Variants in RILPL1 observed in about 807,000 individuals in gnomAD.
RILPL1 encodes Rab interacting lysosomal protein like 1.
A neutral mutation model predicts 50.3 loss-of-function variants in RILPL1; 33 were observed. The ratio of observed to expected loss-of-function variants is 0.66; its 90% confidence interval spans 0.50 to 0.88. The LOEUF is 0.88. RILPL1 is among the 40% of genes least tolerant of loss of function. RILPL1 has a pLI of 0.00. For missense variants in RILPL1, 418 were observed against 542.5 expected, an observed-to-expected ratio of 0.77 and a Z score of 2.28; for synonymous variants, 205 against 228.6, an observed-to-expected ratio of 0.90 and a Z score of 0.93.
In RILPL1 at chr12:123,528,433, G is replaced by GTT. The variant is rs201546898; in HGVS notation, c.309+4739_309+4740dup. Among the ~76,000 whole-genome samples the GTT allele has an allele frequency of 6.1e-3, 863 of 141,192 alleles. 23 individuals are homozygous for GTT. The highest frequency in any genetic ancestry group is 0.047 in the Admixed American group (666 of 14,100). 92.6% of individuals were successfully genotyped at this position (141,192 alleles called of 152,430 possible). A position where few individuals can be genotyped will look rare whatever the true frequency, so the allele number is the denominator to read the frequency against. On this transcript the variant is annotated intron_variant, in intron 1 of 6. Transcript: ENST00000376874. The stretch of plus-strand genomic sequence containing the variant: ...TGTGTTGATTTTTTTGTTGTTGTTT[G>GTT]TTTTTTTTTTTTGAGACGGAGTCTC...
At chr12:123,518,927 C>G (rs1018484236) in intron 2 of RILPL1, among the ~76,000 whole-genome samples, 1 of 151,626 alleles carries the variant, frequency 6.6e-6, no homozygotes. Flanking sequence ...CGTGGTGGCA[C>G]GTGCCTGTGG....
intron 2 of RILPL1, among the ~76,000 whole-genome samples, chr12:123,520,757 A>G (rs1884973606): frequency 6.6e-6 from 1 of 152,208 alleles, no homozygotes; most frequent in Admixed American, 6.5e-5. Flanking sequence ...GGCAAAGCCC[A>G]GAACAGGGAC....
At chr12:123,499,375 A>T (rs997925012) in intron 3 of RILPL1, 43 bp downstream of exon 3, 2 of 1,400,914 alleles carry the variant, frequency 1.4e-6, no homozygotes, top group African/African-American at 1.4e-5. Flanking sequence ...GCTGGCACCT[A>T]CTGGCTGGGA....
chr12:123,483,344 G>A lies in RILPL1; in HGVS notation c.1067+836C>T, dbSNP rs191358118. ...TGAATGACCCTAGGCAGGTGCCTCT[G>A]TTTCCTTAACTATAAAATGGGAATG... On this transcript the variant is annotated intron_variant, in intron 6 of 6. Coordinates refer to ENST00000376874, the MANE Select transcript of RILPL1 (RefSeq NM_178314.5). Among the ~76,000 whole-genome samples, 85 of 152,280 alleles carry A rather than the reference G, an allele frequency of 5.6e-4. No homozygotes were observed. The East Asian group carries it at 0.014, about 24-fold the overall frequency.
At chr12:123,529,960 C>T (rs934647035) in intron 1 of RILPL1, among the ~76,000 whole-genome samples, 7 of 151,824 alleles carry the variant, frequency 4.6e-5, no homozygotes, top group South Asian at 2.1e-4. Flanking sequence ...AGTAGCCACA[C>T]GTGGCTGTTG....
At chr12:123,492,234 A>AT (rs142829506) in intron 4 of RILPL1, among the ~76,000 whole-genome samples, 13,831 of 145,198 alleles carry the variant, frequency 0.095, 721 homozygotes, top group East Asian at 0.16. Context: ...AAGAAAAAAA[A>AT]ATATATATAT....
intron 4 of RILPL1, among the ~76,000 whole-genome samples, chr12:123,488,041 C>A (rs906536844): frequency 6.6e-6 from 1 of 152,158 alleles, no homozygotes; most frequent in African/African-American, 2.4e-5. Context: ...CCTGAGCCAC[C>A]AATGTCCCGT....
intron 1 of RILPL1, among the ~76,000 whole-genome samples, chr12:123,529,917 T>C (rs559385465): frequency 2.7e-5 from 4 of 150,272 alleles, no homozygotes; most frequent in East Asian, 3.9e-4. Flanking sequence ...CTCTTCCTCA[T>C]GCTAGAATAA....
intron 2 of RILPL1, among the ~76,000 whole-genome samples, chr12:123,509,545 A>G (rs1593579132): frequency 6.6e-6 from 1 of 151,570 alleles, no homozygotes; most frequent in South Asian, 2.1e-4. Flanking sequence ...CCCGAGTAAC[A>G]AGAGCAAAAC....
In RILPL1 at chr12:123,533,198, G is replaced by C. The variant is rs745473964; in HGVS notation, c.285C>G (p.Ile95Met). Residue 95 changes from isoleucine to methionine, a missense_variant, in exon 1 of 7, where the codon ATC (isoleucine) becomes ATG (methionine). Coordinates refer to ENST00000376874, the MANE Select transcript of RILPL1 (RefSeq NM_178314.5). This position sits in a 1 kb window ranked among gnomAD's most constrained non-coding sequence, Gnocchi z 6.2. Reference protein sequence around the residue: ...DRLRLERMDRIEKERKHQKEL... With the variant: ...DRLRLERMDRMEKERKHQKEL... ...CCTTCTGGTGCTTGCGCTCCTTCTC[G>C]ATGCGGTCCATCCTCTCCAGGCGCA... The C allele has an allele frequency of 1.3e-6, 2 of 1,573,206 alleles. No homozygotes were observed. Among genetic ancestry groups the C allele is most frequent in the South Asian group, 2.3e-5 (2 of 87,490 alleles).
chr12:123,512,418 GGT>G (rs1318850092), intron 2 of RILPL1, among the ~76,000 whole-genome samples: 11 of 139,134 alleles, frequency 7.9e-5, no homozygotes, highest in African/African-American at 2.4e-4. Flanking sequence ...GTGTGTGTGT[GGT>G]GTGTCTGAGG....
At chr12:123,500,605 C>T (rs373604499) in intron 2 of RILPL1, among the ~76,000 whole-genome samples, 10 of 152,134 alleles carry the variant, frequency 6.6e-5, no homozygotes, top group Non-Finnish European at 1.2e-4. Flanking sequence ...TTTTATCTGA[C>T]GAAAGATGAC....
chr12:123,493,389 C>G (rs540614317), intron 4 of RILPL1, among the ~76,000 whole-genome samples: 1 of 152,200 alleles, frequency 6.6e-6, no homozygotes, highest in South Asian at 2.1e-4. Flanking sequence ...GAAACACCCA[C>G]GAATGATCAA....
chr12:123,472,403 C>G lies in RILPL1; in HGVS notation c.*135G>C. 2.3e-6 allele frequency: 2 copies of G among 861,314 alleles called. No individual in the cohort carries two copies. Among genetic ancestry groups the G allele is most frequent in the Non-Finnish European group, 3.5e-6 (2 of 569,046 alleles). 53.4% of individuals were successfully genotyped at this position (861,314 alleles called of 1,614,324 possible). On this transcript the variant is annotated 3_prime_UTR_variant, in exon 7 of 7. Coordinates refer to ENST00000376874, the MANE Select transcript of RILPL1 (RefSeq NM_178314.5). ...TTTCAATGTCCATCCTCAAATCAGA[C>G]AGTCTGTTTGAGGGGTCAGTTTTCA...
In RILPL1 at chr12:123,498,615, G is replaced by C; in HGVS notation, c.730C>G (p.Arg244Gly). ...TCTCGCAACTTCCCCAGCTCTGCTC[G>C]CAGGCTGCCCATCTCCTGCTCCTTG... is the stretch of plus-strand genomic sequence containing the variant. Reference protein sequence around the residue: ...QTKEQEMGSLRAELGKLRERL... With the variant: ...QTKEQEMGSLGAELGKLRERL... Residue 244 changes from arginine to glycine, a missense_variant, in exon 4 of 7, where the codon CGA (arginine) becomes GGA (glycine). Physicochemically the swap from Arg to Gly is moderately radical, Grantham distance 125 (BLOSUM62 -2). Coordinates refer to ENST00000376874, the MANE Select transcript of RILPL1 (RefSeq NM_178314.5). The surrounding 1 kb of genome is among the most constrained non-coding windows in gnomAD (Gnocchi z 4.3). 5 of 1,613,572 alleles carry C rather than the reference G, an allele frequency of 3.1e-6. No individual in the cohort carries two copies. Among genetic ancestry groups the C allele is most frequent in the Non-Finnish European group, 4.2e-6 (5 of 1,179,866 alleles).
intron 1 of RILPL1, among the ~76,000 whole-genome samples, chr12:123,532,475 G>C (rs1274684293): frequency 6.6e-6 from 1 of 152,070 alleles, no homozygotes; most frequent in Non-Finnish European, 1.5e-5. Flanking sequence ...ACTAATTTGG[G>C]ACAAATTGCT....
In RILPL1 at chr12:123,533,318, G is replaced by C; in HGVS notation, c.165C>G (p.Pro55=). The change falls in exon 1 of 7, where the codon CCC becomes CCG. Residue 55 remains proline (P), a synonymous_variant. Transcript: ENST00000376874. This position sits in a 1 kb window ranked among gnomAD's most constrained non-coding sequence, Gnocchi z 6.2. ...HGCEAIARLM[P]KVVRVLEILE... ...GGATCTCCAGGACGCGCACGACCTT[G>C]GGCATGAGGCGCGCGATGGCCTCGC... 1.3e-6 allele frequency: 2 copies of C among 1,584,216 alleles called. No individual in the cohort carries two copies. The highest frequency in any genetic ancestry group is 1.7e-6 in the Non-Finnish European group (2 of 1,168,738).
rs1235287779 is a variant in RILPL1 at position 123,493,888 on chromosome 12, G to C, written c.801+4656C>G. ...CAACCTCCACCTCCCGGGTTCAAGC[G>C]ATTCTCCTGCCTTCGCCTCCTGAGT... On this transcript the variant is annotated intron_variant, in intron 4 of 6. Transcript: ENST00000376874. Among the ~76,000 whole-genome samples the C allele has an allele frequency of 4.0e-5, 6 of 151,176 alleles. No homozygotes were observed. The East Asian group carries it at 1.2e-3, about 30-fold the overall frequency.
chr12:123,533,425 C>A lies in RILPL1; in HGVS notation c.58G>T (p.Ala20Ser). Residue 20 changes from alanine (A) to serine (S), a missense_variant, in exon 1 of 7, where the codon GCC becomes TCC. Transcript: ENST00000376874. This position sits in a 1 kb window ranked among gnomAD's most constrained non-coding sequence, Gnocchi z 6.2. ...TACACGTCCATGACGGTCAGCTCGGCCACGTTCTTCTCCAGCGCCGACTCG... is the reference window on the plus strand; with the variant it reads ...TACACGTCCATGACGGTCAGCTCGGACACGTTCTTCTCCAGCGCCGACTCG... ...AAESALEKNV[A>S]ELTVMDVYDI... 4 of 1,541,738 alleles carry A rather than the reference C, an allele frequency of 2.6e-6. No homozygotes were observed. The highest frequency in any genetic ancestry group is 3.5e-6 in the Non-Finnish European group (4 of 1,142,510).
Sources: allele counts gnomAD v4.1 joint callset (sites outside exome capture counted in the v4.1 genomes callset), GRCh38; gene constraint gnomAD v4.1.1; non-coding constraint Gnocchi (gnomAD v3.1); transcripts MANE v1.5; gene names NCBI Gene and HGNC (gene_info 2026-07-23, HGNC 2026-07-21).